Variants in ZNF605 observed in about 807,000 individuals in gnomAD.
ZNF605 encodes zinc finger protein 605.
Under a neutral mutation model 7.9 loss-of-function variants are expected in ZNF605, and 9 were observed. That is an observed-to-expected ratio of 1.14 (90% CI 0.68 to 1.98). The LOEUF (loss-of-function observed/expected upper bound fraction) is 1.98, where lower values mean the gene tolerates loss of function less well. Among genes scored for constraint, ZNF605 ranks in the 30% most tolerant of loss-of-function variants. The pLI is 0.00. For synonymous variants in ZNF605, 255 were observed against 260.1 expected, an observed-to-expected ratio of 0.98 and a Z score of 0.19; for missense variants, 673 against 762.4, an observed-to-expected ratio of 0.88 and a Z score of 1.38.
At chr12:132,950,905 CAT>C (rs1466139207) in intron 1 of ZNF605, among the ~76,000 whole-genome samples, 1 of 151,870 alleles carries the variant, frequency 6.6e-6, no homozygotes, top group African/African-American at 2.4e-5. Flanking sequence ...GACGCACACA[CAT>C]ACTGATACAC....
At chr12:132,940,116 C>G (rs1045087737) in intron 3 of ZNF605, among the ~76,000 whole-genome samples, 4 of 152,204 alleles carry the variant, frequency 2.6e-5, no homozygotes, top group Non-Finnish European at 5.9e-5. Context: ...TCTGGACACA[C>G]TGGGATTACA....
chr12:132,951,729 A>C (rs1952570885), intron 1 of ZNF605, among the ~76,000 whole-genome samples: 1 of 148,026 alleles, frequency 6.8e-6, no homozygotes, highest in Non-Finnish European at 1.5e-5. Context: ...ACAATGATAC[A>C]TACATGACAC....
At position 132,933,184 on chromosome 12, in the gene ZNF605, GA is replaced by G; in HGVS notation, c.16-30del. ...GAAAAGCATAATCCCTGTTAAACCT[GA>G]AGTGGTTCTCATTTGGTCTTGTAAA... On this transcript the variant is annotated intron_variant, in intron 3 of 4. Coordinates refer to ENST00000360187, the MANE Select transcript of ZNF605 (RefSeq NM_183238.4). This position sits in a 1 kb window ranked among gnomAD's most constrained non-coding sequence, Gnocchi z 4.4. The G allele has an allele frequency of 1.3e-6, 2 of 1,581,092 alleles. No individual in the cohort carries two copies. The highest frequency in any genetic ancestry group is 8.6e-7 in the Non-Finnish European group (1 of 1,163,784).
intron 2 of ZNF605, among the ~76,000 whole-genome samples, chr12:132,946,253 A>C (rs543666596): frequency 6.6e-6 from 1 of 152,342 alleles, no homozygotes; most frequent in East Asian, 1.9e-4. Context: ...ACTTCTAGGC[A>C]GGGTGGTAAA....
At chr12:132,940,577 C>G (rs992180076) in intron 3 of ZNF605, among the ~76,000 whole-genome samples, 1 of 151,996 alleles carries the variant, frequency 6.6e-6, no homozygotes, top group Non-Finnish European at 1.5e-5. Context: ...TGCCCCAGTC[C>G]CTGATGGGAA....
At chr12:132,951,316 ACT>A (rs1463110089) in intron 1 of ZNF605, among the ~76,000 whole-genome samples, 1 of 151,834 alleles carries the variant, frequency 6.6e-6, no homozygotes, top group East Asian at 1.9e-4. Context: ...ACATGCACAC[ACT>A]GATACACACG....
intron 1 of ZNF605, among the ~76,000 whole-genome samples, chr12:132,950,593 C>A (rs984336344): frequency 1.1e-4 from 17 of 151,480 alleles, no homozygotes; most frequent in Non-Finnish European, 2.2e-4. Context: ...CACACTGATG[C>A]ACACGTACAC....
At chr12:132,938,341 C>A (rs1200225794) in intron 3 of ZNF605, among the ~76,000 whole-genome samples, 1 of 151,880 alleles carries the variant, frequency 6.6e-6, no homozygotes, top group African/African-American at 2.4e-5. Flanking sequence ...CACTCTGTTG[C>A]CCAGGCTGGG....
chr12:132,926,939 A>G lies in ZNF605; in HGVS notation c.360T>C (p.Ile120=), dbSNP rs1392644609. The G allele has an allele frequency of 3.1e-6, 5 of 1,610,702 alleles. No individual in the cohort carries two copies. The highest frequency in any genetic ancestry group is 3.4e-6 in the Non-Finnish European group (4 of 1,178,734). Residue 120 remains isoleucine, a synonymous_variant, in exon 5 of 5, where the codon ATT becomes ATC. Transcript: ENST00000360187. The stretch of plus-strand genomic sequence containing the variant: ...ACAATAATTTCTTATTGAGTTCATC[A>G]ATTTTCTTTCTTTCACAATTATTTT... ...IPKNNCERKK[I]DELNKKLLFC... is the part of the protein sequence containing the mutation.
intron 4 of ZNF605, among the ~76,000 whole-genome samples, chr12:132,931,090 G>A (rs922273000): frequency 1.3e-5 from 2 of 152,122 alleles, no homozygotes; most frequent in East Asian, 1.9e-4. Flanking sequence ...AAAGTGGGAG[G>A]AGCTCATGAG....
chr12:132,951,175 C>T (rs1017370195), intron 1 of ZNF605, among the ~76,000 whole-genome samples: 33 of 151,112 alleles, frequency 2.2e-4, no homozygotes, highest in Admixed American at 7.2e-4. Context: ...TATACACAGA[C>T]GTACACACAG....
chr12:132,953,550 C>A (rs1952596234), intron 1 of ZNF605, among the ~76,000 whole-genome samples: 1 of 152,190 alleles, frequency 6.6e-6, no homozygotes. Context: ...CCTCAGCCTC[C>A]TGAGTAGGTG....
At chr12:132,928,196 T>C (rs1156763686) in intron 4 of ZNF605, among the ~76,000 whole-genome samples, 1 of 152,226 alleles carries the variant, frequency 6.6e-6, no homozygotes, top group Admixed American at 6.5e-5. Context: ...TAGTATATAT[T>C]GTTGAATGGT....
In ZNF605 at chr12:132,945,770, G is replaced by A; in HGVS notation, c.-135C>T. ...TGGGCTCTTCTTTCTTATCTCACAT[G>A]AATTGTCTTGTTCCAGAGGGCTATT... On this transcript the variant is annotated 5_prime_UTR_variant, in exon 3 of 5. Coordinates refer to ENST00000360187, the MANE Select transcript of ZNF605 (RefSeq NM_183238.4). 2 of 1,289,228 alleles carry A rather than the reference G, an allele frequency of 1.6e-6. No individual in the cohort carries two copies. The highest frequency in any genetic ancestry group is 1.1e-6 in the Non-Finnish European group (1 of 885,950). The allele number at this position is 1,289,228 out of a possible 1,614,324, so 79.9% of individuals were successfully genotyped here.
At chr12:132,939,895 A>G (rs545511276) in intron 3 of ZNF605, among the ~76,000 whole-genome samples, 1,942 of 110,050 alleles carry the variant, frequency 0.018, 15 homozygotes, top group Non-Finnish European at 0.031. Context: ...CTCCAGACGC[A>G]CTACCTTAAG....
Position 132,925,766 on chromosome 12 carries a change from C to T in ZNF605, c.1533G>A (p.Arg511=). The T allele has an allele frequency of 6.2e-7, 1 of 1,613,994 alleles. No individual in the cohort carries two copies. The highest frequency in any genetic ancestry group is 8.5e-7 in the Non-Finnish European group (1 of 1,179,962). Residue 511 remains arginine (R), a synonymous_variant, in exon 5 of 5, where the codon AGG becomes AGA. Coordinates refer to ENST00000360187, the MANE Select transcript of ZNF605 (RefSeq NM_183238.4). ...GEKPFECSEC[R]KAFAWKPQLL... ...GCTGTGGCTTCCAGGCAAAAGCTTT[C>T]CTACATTCACTACATTCAAAGGGCT...
At chr12:132,943,617 G>A (rs1284340879) in intron 3 of ZNF605, among the ~76,000 whole-genome samples, 2 of 152,128 alleles carry the variant, frequency 1.3e-5, no homozygotes, top group South Asian at 4.1e-4. Context: ...TCGTTGGGGT[G>A]GGGGAGAACC....
At chr12:132,951,225 TCA>T (rs1348432673) in intron 1 of ZNF605, among the ~76,000 whole-genome samples, 4 of 148,810 alleles carry the variant, frequency 2.7e-5, no homozygotes, top group East Asian at 2.0e-4. Flanking sequence ...CACATGTACA[TCA>T]CACATACACT....
intron 3 of ZNF605, among the ~76,000 whole-genome samples, chr12:132,935,653 G>A (rs1207078002): frequency 1.3e-5 from 2 of 152,074 alleles, no homozygotes; most frequent in Admixed American, 6.6e-5. Flanking sequence ...AGCACTTTGG[G>A]AGGCCGAGGC....
Sources: gnomAD v4.1 joint callset for allele counts (sites outside exome capture counted in the v4.1 genomes callset) on GRCh38, gnomAD v4.1.1 for gene constraint, Gnocchi (gnomAD v3.1) non-coding constraint, MANE v1.5 for transcripts, NCBI Gene and HGNC (gene_info 2026-07-23, HGNC 2026-07-21) for gene names.